Variants in PPARA observed in about 807,000 individuals in gnomAD.
PPARA encodes the protein peroxisome proliferator-activated receptor alpha.
Under a neutral mutation model 42.2 loss-of-function variants are expected in PPARA, and 22 were observed. The observed-to-expected ratio is 0.52, with a 90% CI of 0.37 to 0.74. PPARA has a LOEUF of 0.74. Ranked by LOEUF, PPARA falls within the 30% of genes least tolerant of loss-of-function variation. The pLI is 0.00. For synonymous variants in PPARA, 242 were observed against 239.3 expected, an observed-to-expected ratio of 1.01 and a Z score of -0.10; for missense variants, 465 against 608.2, an observed-to-expected ratio of 0.76 and a Z score of 2.48.
rs1037282857 is a variant in PPARA, at chr22:46,200,216, T to A, written c.208+1625T>A. On this transcript the variant is annotated intron_variant, in intron 4 of 8. Transcript: ENST00000407236. The surrounding 1 kb of genome is among the most constrained non-coding windows in gnomAD (Gnocchi z 4.8). The stretch of plus-strand genomic sequence containing the variant: ...TTTTTAAAAGACTTCAGCAGTGTGA[T>A]AAACCTGGGTGGTGTGTACATGGGT... 1.1e-4 allele frequency among the ~76,000 whole-genome samples: 17 copies of A among 152,238 alleles called. No homozygotes were observed. The highest frequency in any genetic ancestry group is 4.1e-4 in the African/African-American group (17 of 41,458).
rs1934669116 is a variant in PPARA at position 46,218,185 on chromosome 22, C to CA, written c.370-72dup. 4.2e-5 allele frequency: 66 copies of CA among 1,559,802 alleles called. No individual in the cohort carries two copies. The South Asian group carries it at 6.0e-4, about 14-fold the overall frequency. On this transcript the variant is annotated intron_variant, in intron 5 of 8. Coordinates refer to ENST00000407236, the MANE Select transcript of PPARA (RefSeq NM_005036.6). ...TTAAAAAGAAACAATAAATGAGCAA[C>CA]AAAAAAGGTGAGTAAAGCAAGTGCG...
chr22:46,220,130 C>A, intron 7 of PPARA, 116 bp downstream of exon 7: 2 of 1,183,446 alleles, frequency 1.7e-6, no homozygotes, highest in Non-Finnish European at 2.4e-6. Flanking sequence ...CACAGTTAAG[C>A]AAAGGACAGC....
chr22:46,172,697 C>T lies in PPARA; in HGVS notation c.-126-4056C>T, dbSNP rs183705255. Among the ~76,000 whole-genome samples, 258 of 152,288 alleles carry T rather than the reference C, an allele frequency of 1.7e-3. 1 individual carries two copies. The highest frequency in any genetic ancestry group is 7.3e-3 in the Admixed American group (112 of 15,292). On this transcript the variant is annotated intron_variant, in intron 2 of 8. Coordinates refer to ENST00000407236, the MANE Select transcript of PPARA (RefSeq NM_005036.6). ...AACAGCCATAAGCCGTAACTTTGTG[C>T]GGAGGTAAAAGACCGAGGTCACATC...
Position 46,182,886 on chromosome 22 carries a change from A to G in PPARA, c.-43+6050A>G, listed in dbSNP as rs2147270970. The stretch of plus-strand genomic sequence containing the variant: ...CAGCCTCCCAAGTAGCTGAGACTAC[A>G]GGCATACGCCACCATGCCCAGCTAA... On this transcript the variant is annotated intron_variant, in intron 3 of 8. Transcript: ENST00000407236. The surrounding 1 kb of genome is among the most constrained non-coding windows in gnomAD (Gnocchi z 5.2). Among the ~76,000 whole-genome samples, 1 of 152,262 alleles carries G rather than the reference A, an allele frequency of 6.6e-6. No individual in the cohort carries two copies. Among genetic ancestry groups the G allele is most frequent in the South Asian group, 2.1e-4 (1 of 4,822 alleles).
rs910694369 is a variant in PPARA, at chr22:46,193,605, TA to T, written c.-42-4730del. Among the ~76,000 whole-genome samples the T allele has an allele frequency of 2.8e-4, 43 of 151,950 alleles. No individual in the cohort carries two copies. Among genetic ancestry groups the T allele is most frequent in the African/African-American group, 1.0e-3 (43 of 41,374 alleles). On this transcript the variant is annotated intron_variant, in intron 3 of 8. Coordinates refer to ENST00000407236, the MANE Select transcript of PPARA (RefSeq NM_005036.6). This position sits in a 1 kb window ranked among gnomAD's most constrained non-coding sequence, Gnocchi z 5.3. ...CAAATATTTTAAATAATTTTTAAAATAAAAAAATAAATTGTAAGGGAAAGAA... is the reference window on the plus strand; with the variant it reads ...CAAATATTTTAAATAATTTTTAAAATAAAAAATAAATTGTAAGGGAAAGAA...
Position 46,219,190 on chromosome 22 carries a change from T to C in PPARA, c.509-622T>C, listed in dbSNP as rs1167055658. Among the ~76,000 whole-genome samples, 1 of 151,806 alleles carries C rather than the reference T, an allele frequency of 6.6e-6. No homozygotes were observed. Among genetic ancestry groups the C allele is most frequent in the Non-Finnish European group, 1.5e-5 (1 of 67,932 alleles). On this transcript the variant is annotated intron_variant, in intron 6 of 8. Coordinates refer to ENST00000407236, the MANE Select transcript of PPARA (RefSeq NM_005036.6). This position sits in a 1 kb window ranked among gnomAD's most constrained non-coding sequence, Gnocchi z 4.8. Reference sequence around the variant, plus strand: ...AAAAAAGAAAAAAAAAGAAAAAGTCTCAAATAGCTGAGATTCAGTGGTGCA... The same window carrying C: ...AAAAAAGAAAAAAAAAGAAAAAGTCCCAAATAGCTGAGATTCAGTGGTGCA...
chr22:46,234,530 G>A lies in PPARA; in HGVS notation c.1160-603G>A, dbSNP rs572593809. The stretch of plus-strand genomic sequence containing the variant: ...TTGACTCTTCCTGCACCAAGTCTCA[G>A]ACCTGCCCCACCCTCCTCCCCACTC... On this transcript the variant is annotated intron_variant, in intron 8 of 8. Coordinates refer to ENST00000407236, the MANE Select transcript of PPARA (RefSeq NM_005036.6). This position sits in a 1 kb window ranked among gnomAD's most constrained non-coding sequence, Gnocchi z 5.8. Among the ~76,000 whole-genome samples, 2 of 152,142 alleles carry A rather than the reference G, an allele frequency of 1.3e-5. No homozygotes were observed. Among genetic ancestry groups the A allele is most frequent in the Middle Eastern group, 6.8e-3 (2 of 294 alleles).
intron 5 of PPARA, among the ~76,000 whole-genome samples, chr22:46,217,511 C>G (rs1934595648): frequency 6.6e-6 from 1 of 152,116 alleles, no homozygotes; most frequent in African/African-American, 2.4e-5. Context: ...TTACAAACAG[C>G]TGGCTTCCTT....
At chr22:46,155,002 AAAAAAAAAAAAAAAAAAAAAAAAAAC>A in intron 2 of PPARA, 1 of 136,024 alleles carries the variant, frequency 7.4e-6, no homozygotes, top group Non-Finnish European at 1.5e-5. Flanking sequence ...AAAAAAAAAA[AAAAAAAAAAAAAAAAAAAAAAAAAAC>A]CACATTAATT....
rs1273127455 is a variant in PPARA, at chr22:46,204,998, G to T, written c.208+6407G>T. Reference sequence around the variant, plus strand: ...CCCTCCGACCTCAGCCTCCCAAGTAGCTGGGACCACAGGTGTGTACCACCA... The same window carrying T: ...CCCTCCGACCTCAGCCTCCCAAGTATCTGGGACCACAGGTGTGTACCACCA... On this transcript the variant is annotated intron_variant, in intron 4 of 8. Transcript: ENST00000407236. The surrounding 1 kb of genome is among the most constrained non-coding windows in gnomAD (Gnocchi z 5.2). Among the ~76,000 whole-genome samples the T allele has an allele frequency of 1.3e-5, 2 of 151,890 alleles. No individual in the cohort carries two copies. Among genetic ancestry groups the T allele is most frequent in the Admixed American group, 6.6e-5 (1 of 15,234 alleles).
Position 46,161,922 on chromosome 22 carries a change from A to G in PPARA, c.-127+9952A>G, listed in dbSNP as rs1926239030. ...TTTGTGAGCTTGAAACCTGTCACCCACCCGCCTTCCAGATGTCACCTGGGC... is the reference window on the plus strand; with the variant it reads ...TTTGTGAGCTTGAAACCTGTCACCCGCCCGCCTTCCAGATGTCACCTGGGC... On this transcript the variant is annotated intron_variant, in intron 2 of 8. Coordinates refer to ENST00000407236, the MANE Select transcript of PPARA (RefSeq NM_005036.6). The surrounding 1 kb of genome is among the most constrained non-coding windows in gnomAD (Gnocchi z 4.8). Among the ~76,000 whole-genome samples the G allele has an allele frequency of 1.3e-5, 2 of 151,386 alleles. No individual in the cohort carries two copies. Among genetic ancestry groups the G allele is most frequent in the African/African-American group, 4.9e-5 (2 of 41,098 alleles).
chr22:46,220,174 C>CTGTA, intron 7 of PPARA, 160 bp downstream of exon 7: 1 of 879,120 alleles, frequency 1.1e-6, no homozygotes, highest in East Asian at 2.7e-5. Context: ...AGACTCTGAG[C>CTGTA]TGTAGCTTAA....
rs1926360998 is a variant in PPARA, at chr22:46,162,564, A to G, written c.-127+10594A>G. 6.6e-6 allele frequency among the ~76,000 whole-genome samples: 1 copy of G among 151,996 alleles called. No homozygotes were observed. The highest frequency in any genetic ancestry group is 2.4e-5 in the African/African-American group (1 of 41,378). ...ACACCTGGTGCTTTTCCTTTCGTGCACTCAGGCAGTGTTTATTCAAGTGAT... is the reference window on the plus strand; with the variant it reads ...ACACCTGGTGCTTTTCCTTTCGTGCGCTCAGGCAGTGTTTATTCAAGTGAT... On this transcript the variant is annotated intron_variant, in intron 2 of 8. Transcript: ENST00000407236. The surrounding 1 kb of genome is among the most constrained non-coding windows in gnomAD (Gnocchi z 6.0).
At position 46,192,912 on chromosome 22, in the gene PPARA, G is replaced by A. The variant is rs1206221663; in HGVS notation, c.-42-5430G>A. Among the ~76,000 whole-genome samples the A allele has an allele frequency of 1.3e-5, 2 of 152,094 alleles. No individual in the cohort carries two copies. The highest frequency in any genetic ancestry group is 2.9e-5 in the Non-Finnish European group (2 of 68,024). On this transcript the variant is annotated intron_variant, in intron 3 of 8. Transcript: ENST00000407236. This position sits in a 1 kb window ranked among gnomAD's most constrained non-coding sequence, Gnocchi z 4.3. ...ACTTCACATGTTCTCACTTATTTGT[G>A]GGCTCTAAAAATCAAATCACTTGAA...
Position 46,220,010 on chromosome 22 carries a change from A to G in PPARA, c.707A>G (p.Asn236Ser). The stretch of plus-strand genomic sequence containing the variant: ...ATCCTCTCAGGAAAGGCCAGTAACA[A>G]TCCAGTAGGTGTTTGCGGCTGTTCT... ...RVILSGKASN[N>S]PPFVIHDMET... is the part of the protein sequence containing the mutation. Residue 236 changes from asparagine to serine, a missense_variant, in exon 7 of 9, where the codon AAT becomes AGT. Coordinates refer to ENST00000407236, the MANE Select transcript of PPARA (RefSeq NM_005036.6). 6.2e-7 allele frequency: 1 copy of G among 1,614,054 alleles called. No homozygotes were observed. The highest frequency in any genetic ancestry group is 8.5e-7 in the Non-Finnish European group (1 of 1,180,036).
intron 4 of PPARA, among the ~76,000 whole-genome samples, chr22:46,207,677 ATTTTTT>A (rs764662561): frequency 1.2e-3 from 59 of 50,716 alleles, no homozygotes; most frequent in African/African-American, 4.9e-3. Flanking sequence ...TATTATTATT[ATTTTTT>A]TTTTTTTTTT....
rs908341078 is a variant in PPARA, at chr22:46,168,509, AC to A, written c.-126-8243del. Among the ~76,000 whole-genome samples, 26 of 152,006 alleles carry A rather than the reference AC, an allele frequency of 1.7e-4. No individual in the cohort carries two copies. In the East Asian group the frequency reaches 4.4e-3, roughly 26 times the overall value. Reference sequence around the variant, plus strand: ...TAGACTTAGAGAAAATATTTACAAAACATATATCTGACAAAGGACTTGGATA... The same window carrying A: ...TAGACTTAGAGAAAATATTTACAAAAATATATCTGACAAAGGACTTGGATA... On this transcript the variant is annotated intron_variant, in intron 2 of 8. Coordinates refer to ENST00000407236, the MANE Select transcript of PPARA (RefSeq NM_005036.6).
rs1051168240 is a variant in PPARA at position 46,173,081 on chromosome 22, T to C, written c.-126-3672T>C. On this transcript the variant is annotated intron_variant, in intron 2 of 8. Coordinates refer to ENST00000407236, the MANE Select transcript of PPARA (RefSeq NM_005036.6). This position sits in a 1 kb window ranked among gnomAD's most constrained non-coding sequence, Gnocchi z 4.3. Reference sequence around the variant, plus strand: ...TCATCTTTGTCCCTTTAGAAAAGGATTTGTCCTGCAACCAGCTCTTGCAGA... The same window carrying C: ...TCATCTTTGTCCCTTTAGAAAAGGACTTGTCCTGCAACCAGCTCTTGCAGA... Among the ~76,000 whole-genome samples the C allele has an allele frequency of 6.6e-6, 1 of 152,224 alleles. No individual in the cohort carries two copies. The highest frequency in any genetic ancestry group is 2.4e-5 in the African/African-American group (1 of 41,448).
At chr22:46,153,668 G>T (rs1452181977) in intron 2 of PPARA, among the ~76,000 whole-genome samples, 1 of 152,022 alleles carries the variant, frequency 6.6e-6, no homozygotes, top group Non-Finnish European at 1.5e-5. Flanking sequence ...AGACCAGCCT[G>T]GCCAATATGG....
Sources: allele counts gnomAD v4.1 joint callset (sites outside exome capture counted in the v4.1 genomes callset), GRCh38; gene constraint gnomAD v4.1.1; non-coding constraint Gnocchi (gnomAD v3.1); transcripts MANE v1.5; gene names NCBI Gene and HGNC (gene_info 2026-07-23, HGNC 2026-07-21).